The following MUC6 variants were observed in gnomAD, a reference collection of about 807,000 sequenced individuals.
MUC6 encodes the protein mucin-6.
Under a neutral mutation model 201.5 loss-of-function variants are expected in MUC6, and 188 were observed. The observed-to-expected ratio is 0.93, with a 90% CI of 0.83 to 1.05. The LOEUF is 1.05. Ranked by LOEUF, MUC6 falls within the 50% of genes least tolerant of loss-of-function variation. The probability of loss-of-function intolerance (pLI) is 0.00; values close to 1 mark genes in which losing one functional copy is unlikely to be tolerated. For missense variants in MUC6, 2,706 were observed against 3,256.9 expected (o/e 0.83, Z 4.12); for synonymous variants, 1,228 against 1,389.4 (o/e 0.88, Z 2.58).
At position 1,027,196 on chromosome 11, in the gene MUC6, G is replaced by A. The variant is rs1329273226; in HGVS notation, c.2232-3C>T. ...TCAGCCGCCCGTTGATGCAGTGGCT[G>A]CAAGAGAGAGGCTGCGTGAGACCCC... On this transcript the variant is annotated splice_region_variant and splice_polypyrimidine_tract_variant and intron_variant, in intron 17 of 32. Coordinates refer to ENST00000421673, the MANE Select transcript of MUC6 (RefSeq NM_005961.3). 6.2e-7 allele frequency: 1 copy of A among 1,612,386 alleles called. No homozygotes were observed. Among genetic ancestry groups the A allele is most frequent in the Non-Finnish European group, 8.5e-7 (1 of 1,179,708 alleles).
At position 1,019,991 on chromosome 11, in the gene MUC6, G is replaced by A. The variant is rs1856770680; in HGVS notation, c.3808+99C>T. ...GCTGGGAATCTGCTTAGTGGCAGAT[G>A]TGAGCCAGGAAGCAGGGCCATCCCT... On this transcript the variant is annotated intron_variant, in intron 29 of 32. Coordinates refer to ENST00000421673, the MANE Select transcript of MUC6 (RefSeq NM_005961.3). The A allele has an allele frequency of 3.5e-6, 5 of 1,410,716 alleles. No homozygotes were observed. The African/African-American group carries it at 5.7e-5, about 16-fold the overall frequency. The allele number at this position is 1,410,716 out of a possible 1,614,324, so 87.4% of individuals were successfully genotyped here.
At chr11:1,025,657 AG>A (rs1286609489) in intron 22 of MUC6, 147 bp downstream of exon 22, 2 of 817,574 alleles carry the variant, frequency 2.4e-6, no homozygotes, top group Non-Finnish European at 3.9e-6. Flanking sequence ...CTGGCCAGGG[AG>A]GGGCAGCAGG....
intron 26 of MUC6, among the ~76,000 whole-genome samples, chr11:1,022,313 A>C (rs1343173088): frequency 2.5e-3 from 114 of 45,496 alleles, no homozygotes; most frequent in East Asian, 4.5e-3. Context: ...CACTCACTCC[A>C]TCTGCCCTCT....
rs537126720 is a variant in MUC6 at position 1,026,601 on chromosome 11, C to T, written c.2395-123G>A. 6.5e-6 allele frequency: 8 copies of T among 1,227,928 alleles called. No individual in the cohort carries two copies. The South Asian group carries it at 9.8e-5, about 15-fold the overall frequency. 76.1% of individuals were successfully genotyped at this position (1,227,928 alleles called of 1,614,324 possible). On this transcript the variant is annotated intron_variant, in intron 19 of 32. Coordinates refer to ENST00000421673, the MANE Select transcript of MUC6 (RefSeq NM_005961.3). Reference sequence around the variant, plus strand: ...TCCTCTCCCTGAATACAGCCCTGCTCTGTGGCCTTTGTGGGCAGCTGGGCT... The same window carrying T: ...TCCTCTCCCTGAATACAGCCCTGCTTTGTGGCCTTTGTGGGCAGCTGGGCT...
At position 1,016,498 on chromosome 11, in the gene MUC6, C is replaced by A; in HGVS notation, c.6303G>T (p.Arg2101Ser). The change falls in exon 31 of 33, where the codon AGG (arginine) becomes AGT (serine). Residue 2101 changes from arginine to serine, a missense_variant. By Grantham distance (110) the Arg-to-Ser change is moderately radical (BLOSUM62 -1). Coordinates refer to ENST00000421673, the MANE Select transcript of MUC6 (RefSeq NM_005961.3). ...GTGTGGTGATAGGTGATGACGGTGGCCTTGAGCTAGAGTTCTGAGGCAGCC... is the reference window on the plus strand; with the variant it reads ...GTGTGGTGATAGGTGATGACGGTGGACTTGAGCTAGAGTTCTGAGGCAGCC... ...SSWLPQNSSS[R>S]PPSSPITTQL... 1 of 1,603,428 alleles carries A rather than the reference C, an allele frequency of 6.2e-7. No homozygotes were observed. Among genetic ancestry groups the A allele is most frequent in the Non-Finnish European group, 8.5e-7 (1 of 1,176,628 alleles).
rs367913682 is a variant in MUC6, at chr11:1,015,863, G to A, written c.6938C>T (p.Ser2313Leu). ...LTTRHPGPTL[S>L]PTTRFLTSSL... The stretch of plus-strand genomic sequence containing the variant: ...GCTGGTCAGGAACCGTGTGGTAGGC[G>A]ACAAGGTGGGACCAGGGTGCCTGGT... The change falls in exon 31 of 33, where the codon TCG becomes TTG. Residue 2313 changes from serine (S) to leucine (L), a missense_variant. Physicochemically the swap from Ser to Leu is moderately radical, Grantham distance 145. This residue lies in a region of MUC6 where 586 missense variants were observed against 488.0 expected (regional missense o/e 1.20). Transcript: ENST00000421673. 29 of 1,607,484 alleles carry A rather than the reference G, an allele frequency of 1.8e-5. No homozygotes were observed. In the South Asian group the frequency reaches 2.1e-4, roughly 12 times the overall value.
intron 15 of MUC6, 44 bp from the exon 16 acceptor site, chr11:1,027,861 C>T (rs777941716): frequency 1.3e-6 from 2 of 1,597,926 alleles, no homozygotes; most frequent in Non-Finnish European, 1.7e-6. Context: ...GGCACCCTGC[C>T]CTGGGGACAT....
rs1340238449 is a variant in MUC6, at chr11:1,018,673, C to T, written c.4128G>A (p.Gln1376=). 6.2e-7 allele frequency: 1 copy of T among 1,612,592 alleles called. No individual in the cohort carries two copies. The change falls in exon 31 of 33, where the codon CAG becomes CAA. Residue 1376 remains glutamine, a synonymous_variant. Transcript: ENST00000421673. ...PASTTGPTTP[Q]PGQPTRPTAT... is the part of the protein sequence containing the mutation. Reference sequence around the variant, plus strand: ...CTGTGGGCCTCGTGGGTTGTCCTGGCTGTGGGGTGGTTGGGCCTGTGGTGC... The same window carrying T: ...CTGTGGGCCTCGTGGGTTGTCCTGGTTGTGGGGTGGTTGGGCCTGTGGTGC...
rs1469006635 is a variant in MUC6, at chr11:1,033,336, C to T, written c.53-261G>A. ...TCAGTCCCAGTTCAGCCGTCAGCCC[C>T]TCGGGGTTCGGCAGATGGCGGGCAC... On this transcript the variant is annotated intron_variant, in intron 1 of 32. Transcript: ENST00000421673. The surrounding 1 kb of genome is among the most constrained non-coding windows in gnomAD (Gnocchi z 5.6). 1 of 548,378 alleles carries T rather than the reference C, an allele frequency of 1.8e-6. No homozygotes were observed. Among genetic ancestry groups the T allele is most frequent in the Non-Finnish European group, 3.3e-6 (1 of 303,638 alleles). 34.0% of individuals were successfully genotyped at this position (548,378 alleles called of 1,614,324 possible). A position where few individuals can be genotyped will look rare whatever the true frequency, so the allele number is the denominator to read the frequency against.
At chr11:1,014,638 C>T (rs1856559979) in intron 31 of MUC6, among the ~76,000 whole-genome samples, 1 of 152,202 alleles carries the variant, frequency 6.6e-6, no homozygotes, top group African/African-American at 2.4e-5. Flanking sequence ...GAAACCGCCA[C>T]TGGAGAGCGT....
intron 19 of MUC6, 46 bp downstream of exon 19, chr11:1,026,895 C>T (rs1856972379): frequency 6.7e-7 from 1 of 1,484,720 alleles, no homozygotes; most frequent in Non-Finnish European, 9.1e-7. Context: ...CCTCATGGTT[C>T]AGCTGGGGCC....
chr11:1,020,850 A>C, intron 27 of MUC6, 116 bp from the exon 28 acceptor site: 3 of 1,339,748 alleles, frequency 2.2e-6, no homozygotes, highest in Non-Finnish European at 3.1e-6. Context: ...GGTGGAGGGG[A>C]CTGGAGGGGC....
chr11:1,036,714 C>T lies in MUC6; in HGVS notation c.-59G>A, dbSNP rs1048305781. The T allele has an allele frequency of 8.3e-5, 126 of 1,514,174 alleles. No homozygotes were observed. The highest frequency in any genetic ancestry group is 2.3e-4 in the Middle Eastern group (1 of 4,328). The allele number at this position is 1,514,174 out of a possible 1,614,324, so 93.8% of individuals were successfully genotyped here. ...GGCAGGCCTGCTGCTGCCATCCATG[C>T]GGCTCCAACGGCCGGTCCTGGGTGC... On this transcript the variant is annotated 5_prime_UTR_variant, in exon 1 of 33. Coordinates refer to ENST00000421673, the MANE Select transcript of MUC6 (RefSeq NM_005961.3).
In MUC6 at chr11:1,036,610, T is replaced by A; in HGVS notation, c.46A>T (p.Ser16Cys). Residue 16 changes from serine (S) to cysteine (C), a missense_variant, in exon 1 of 33, where the codon AGC becomes TGC. Physicochemically the swap from Ser to Cys is moderately radical, Grantham distance 112. Around this residue, in one of 10 missense-constraint regions of MUC6, gnomAD observed 1,850 missense variants for 1,958.3 expected, o/e 0.94. Coordinates refer to ENST00000421673, the MANE Select transcript of MUC6 (RefSeq NM_005961.3). Reference protein sequence around the residue: ...LLLSCCGALLSAGLANTSYTS... With the variant: ...LLLSCCGALLCAGLANTSYTS... ...GCCCCTCGACCTCACTCACCAGCGC[T>A]GAGCAGGGCTCCGCAGCAGGACAGC... 1.3e-6 allele frequency: 2 copies of A among 1,548,842 alleles called. No individual in the cohort carries two copies. The highest frequency in any genetic ancestry group is 3.9e-5 in the Admixed American group (2 of 50,972).
At chr11:1,031,361 C>G in intron 4 of MUC6, 102 bp from the exon 5 acceptor site, 2 of 1,225,564 alleles carry the variant, frequency 1.6e-6, no homozygotes, top group Non-Finnish European at 2.2e-6. Context: ...CCCCACCATC[C>G]CCCCACCTGC....
intron 31 of MUC6, among the ~76,000 whole-genome samples, chr11:1,014,610 G>T (rs906761591): frequency 6.6e-6 from 1 of 152,214 alleles, no homozygotes; most frequent in Non-Finnish European, 1.5e-5. Context: ...GATGCAGGCA[G>T]TGGCAGCGTT....
Position 1,031,976 on chromosome 11 carries a change from C to G in MUC6, c.193G>C (p.Gly65Arg). 1 of 1,613,662 alleles carries G rather than the reference C, an allele frequency of 6.2e-7. No individual in the cohort carries two copies. The highest frequency in any genetic ancestry group is 1.3e-5 in the African/African-American group (1 of 75,040). ...TFDHHVYDFSGTCNYIFAATC... is the reference protein window; with the variant it reads ...TFDHHVYDFSRTCNYIFAATC... ...GCCGCGAAGATGTAGTTGCACGTCCCCGAGAAGTCGTACACGTGGTGGTCG... is the reference window on the plus strand; with the variant it reads ...GCCGCGAAGATGTAGTTGCACGTCCGCGAGAAGTCGTACACGTGGTGGTCG... Residue 65 changes from glycine (G) to arginine (R), a missense_variant, in exon 3 of 33, where the codon GGG (glycine) becomes CGG (arginine). Physicochemically the swap from Gly to Arg is moderately radical, Grantham distance 125 (BLOSUM62 -2). Transcript: ENST00000421673.
At chr11:1,035,154 A>G (rs925819442) in intron 1 of MUC6, among the ~76,000 whole-genome samples, 4 of 151,756 alleles carry the variant, frequency 2.6e-5, no homozygotes, top group African/African-American at 9.7e-5. Context: ...CCGACCCCAC[A>G]CTCTGCTGGC....
Position 1,020,165 on chromosome 11 carries a change from T to A in MUC6, c.3733A>T (p.Thr1245Ser). The change falls in exon 29 of 33, where the codon ACC becomes TCC. Residue 1245 changes from threonine (T) to serine (S), a missense_variant. Physicochemically the swap from Thr to Ser is moderately conservative, Grantham distance 58 (BLOSUM62 1). Transcript: ENST00000421673. ...STGPSPSSNH[T>S]PASPTQTPLL... ...GGTGTCTGGGTGGGGCTGGCAGGGGTGTGATTAGAGCTGGGTGAGGGTCCG... is the reference window on the plus strand; with the variant it reads ...GGTGTCTGGGTGGGGCTGGCAGGGGAGTGATTAGAGCTGGGTGAGGGTCCG... 2 of 1,610,010 alleles carry A rather than the reference T, an allele frequency of 1.2e-6. No homozygotes were observed. The highest frequency in any genetic ancestry group is 2.2e-5 in the South Asian group (2 of 90,840).
Sources: allele counts gnomAD v4.1 joint callset (sites outside exome capture counted in the v4.1 genomes callset), GRCh38; gene constraint gnomAD v4.1.1; regional missense constraint gnomAD v4.1.1; non-coding constraint Gnocchi (gnomAD v3.1); transcripts MANE v1.5; gene names NCBI Gene and HGNC (gene_info 2026-07-23, HGNC 2026-07-21).